OLFM3: variants seen among roughly 807,000 people sequenced by gnomAD.
The protein encoded by OLFM3 is noelin-3.
A neutral mutation model predicts 48.6 loss-of-function variants in OLFM3; 20 were observed. That is an observed-to-expected ratio of 0.41 (90% confidence interval 0.29 to 0.60). OLFM3 has a LOEUF of 0.60. Among genes scored for constraint, OLFM3 ranks in the 20% least tolerant of loss-of-function variants. The probability of loss-of-function intolerance (pLI) is 0.28; values close to 1 mark genes in which losing one functional copy is unlikely to be tolerated. For synonymous variants in OLFM3, 222 were observed against 198.1 expected (o/e 1.12, Z -1.01); for missense variants, 437 against 544.3 (o/e 0.80, Z 1.96).
Position 101,992,808 on chromosome 1 carries a change from C to T in OLFM3, c.69+3940G>A, listed in dbSNP as rs143843065. 2.8e-3 allele frequency among the ~76,000 whole-genome samples: 420 copies of T among 152,074 alleles called. 2 individuals carry two copies. The highest frequency in any genetic ancestry group is 6.1e-3 in the Admixed American group (93 of 15,272). ...CAACAATATAATTATTAAAATATTC[C>T]TACTGCTTATCATGCCTATAGGGCT... On this transcript the variant is annotated intron_variant, in intron 1 of 5. Coordinates refer to ENST00000370103, the MANE Select transcript of OLFM3 (RefSeq NM_058170.4).
At chr1:101,883,234 A>G (rs1266290450) in intron 1 of OLFM3, among the ~76,000 whole-genome samples, 1 of 151,184 alleles carries the variant, frequency 6.6e-6, no homozygotes, top group African/African-American at 2.4e-5. Context: ...CTCCTGGAGG[A>G]TCCTTGTTAA....
Position 101,996,920 on chromosome 1 carries a change from G to A in OLFM3, c.-104C>T, listed in dbSNP as rs1661579098. ...TTGCACTTTCTGCCTGCCAGTCAGAGCCGAGTGGAAGCAGAGGCGGCGGCA... is the reference window on the plus strand; with the variant it reads ...TTGCACTTTCTGCCTGCCAGTCAGAACCGAGTGGAAGCAGAGGCGGCGGCA... On this transcript the variant is annotated 5_prime_UTR_variant, in exon 1 of 6. Coordinates refer to ENST00000370103, the MANE Select transcript of OLFM3 (RefSeq NM_058170.4). 8.0e-7 allele frequency: 1 copy of A among 1,242,660 alleles called. No homozygotes were observed. Among genetic ancestry groups the A allele is most frequent in the Non-Finnish European group, 1.2e-6 (1 of 857,374 alleles). 77.0% of individuals were successfully genotyped at this position (1,242,660 alleles called of 1,614,324 possible). A position where few individuals can be genotyped will look rare whatever the true frequency, so the allele number is the denominator to read the frequency against.
At chr1:101,812,830 T>A in intron 4 of OLFM3, 1 of 991,488 alleles carries the variant, frequency 1.0e-6, no homozygotes, top group Middle Eastern at 5.1e-4. Flanking sequence ...TTGTACCTGG[T>A]TTTGTGAGGA....
At chr1:101,841,012 T>C (rs1253927198) in intron 1 of OLFM3, among the ~76,000 whole-genome samples, 1 of 152,198 alleles carries the variant, frequency 6.6e-6, no homozygotes, top group Non-Finnish European at 1.5e-5. Context: ...ATGCTCTAAA[T>C]AGGAGAATTA....
intron 1 of OLFM3, among the ~76,000 whole-genome samples, chr1:101,989,498 G>A (rs1345021963): frequency 2.3e-5 from 3 of 130,952 alleles, no homozygotes; most frequent in African/African-American, 8.1e-5. Flanking sequence ...ACCTCATTAT[G>A]GTATGGTGTG....
At chr1:101,852,947 T>C (rs1344748297) in intron 1 of OLFM3, among the ~76,000 whole-genome samples, 3 of 152,104 alleles carry the variant, frequency 2.0e-5, no homozygotes, top group African/African-American at 4.8e-5. Context: ...CAAGCCTCCA[T>C]TGTCTTTTAT....
intron 1 of OLFM3, chr1:101,847,015 CCCGGTGCCGG>C: frequency 6.4e-7 from 1 of 1,574,766 alleles, no homozygotes; most frequent in Non-Finnish European, 8.7e-7. Flanking sequence ...TGATTAAGAT[CCCGGTGCCGG>C]GCTGGCAGCG....
At chr1:101,970,971 G>T (rs1366976946) in intron 1 of OLFM3, among the ~76,000 whole-genome samples, 2 of 152,306 alleles carry the variant, frequency 1.3e-5, no homozygotes, top group East Asian at 3.9e-4. Context: ...GATGGCAGAT[G>T]AGCAATGTAC....
rs2225830 is a variant in OLFM3 at position 101,980,189 on chromosome 1, T to C, written c.69+16559A>G. On this transcript the variant is annotated intron_variant, in intron 1 of 5. Coordinates refer to ENST00000370103, the MANE Select transcript of OLFM3 (RefSeq NM_058170.4). ...GACTTGCCTTGTATCAGATGAGACG[T>C]TGGACTGTGGACTTTTGAGTTAATG... 6.6e-3 allele frequency among the ~76,000 whole-genome samples: 1,007 copies of C among 152,300 alleles called. 9 individuals are homozygous for C. The highest frequency in any genetic ancestry group is 0.022 in the African/African-American group (922 of 41,562).
At chr1:101,992,144 C>T (rs1661429105) in intron 1 of OLFM3, among the ~76,000 whole-genome samples, 1 of 152,088 alleles carries the variant, frequency 6.6e-6, no homozygotes, top group Admixed American at 6.5e-5. Context: ...GACCTTGAAT[C>T]CTCTGTTTCT....
At chr1:101,873,670 G>T (rs1657180945) in intron 1 of OLFM3, among the ~76,000 whole-genome samples, 2 of 151,560 alleles carry the variant, frequency 1.3e-5, no homozygotes, top group African/African-American at 2.4e-5. Context: ...TAGTATAAAA[G>T]AATAGTTGAG....
chr1:101,843,819 T>A (rs934235406), intron 1 of OLFM3, among the ~76,000 whole-genome samples: 3 of 152,218 alleles, frequency 2.0e-5, no homozygotes, highest in Admixed American at 6.5e-5. Flanking sequence ...AGGACTATGA[T>A]CATATTTGTG....
chr1:101,930,869 C>G (rs920502490), intron 1 of OLFM3, among the ~76,000 whole-genome samples: 2 of 152,140 alleles, frequency 1.3e-5, no homozygotes, highest in African/African-American at 2.4e-5. Flanking sequence ...ATGAGGCAAT[C>G]AATTCTGTGT....
chr1:101,901,874 T>C (rs1570614750), intron 1 of OLFM3, among the ~76,000 whole-genome samples: 1 of 152,158 alleles, frequency 6.6e-6, no homozygotes, highest in East Asian at 1.9e-4. Context: ...TACAGGTAAA[T>C]CAAAGTGGAG....
chr1:101,865,012 C>T (rs185996623), intron 1 of OLFM3, among the ~76,000 whole-genome samples: 47 of 152,284 alleles, frequency 3.1e-4, no homozygotes, highest in African/African-American at 1.1e-3. Context: ...TAGGTTGGTG[C>T]AAAGGTAATT....
chr1:101,847,439 C>A (rs1299112571), intron 1 of OLFM3, among the ~76,000 whole-genome samples: 2 of 151,752 alleles, frequency 1.3e-5, no homozygotes, highest in Admixed American at 1.3e-4. Context: ...CTACAGATTT[C>A]TCTGGGCAAG....
intron 1 of OLFM3, among the ~76,000 whole-genome samples, chr1:101,871,655 G>A (rs780578244): frequency 5.3e-5 from 8 of 151,760 alleles, no homozygotes; most frequent in African/African-American, 7.3e-5. Context: ...CAACAAAATC[G>A]AAGCCAAACC....
intron 1 of OLFM3, among the ~76,000 whole-genome samples, chr1:101,947,079 T>A (rs11164344): frequency 0.3 from 45,365 of 151,948 alleles, 7,924 homozygotes; most frequent in Middle Eastern, 0.48. Context: ...TTCCTTGAGA[T>A]GCTTTGATAA....
At chr1:101,851,958 G>C (rs866172474) in intron 1 of OLFM3, among the ~76,000 whole-genome samples, 2 of 152,010 alleles carry the variant, frequency 1.3e-5, no homozygotes, top group Non-Finnish European at 2.9e-5. Context: ...TTTCTAACAA[G>C]CTCCCAGATG....
Sources: allele counts gnomAD v4.1 joint callset (sites outside exome capture counted in the v4.1 genomes callset), GRCh38; gene constraint gnomAD v4.1.1; transcripts MANE v1.5; gene names NCBI Gene and HGNC (gene_info 2026-07-23, HGNC 2026-07-21).